CDK17: variants seen among roughly 807,000 people sequenced by gnomAD.
CDK17 encodes cyclin-dependent kinase 17.
In CDK17, 24 loss-of-function variants were observed where a neutral mutation model predicts 77.6. The observed-to-expected ratio is 0.31, with a 90% CI of 0.22 to 0.44. The LOEUF (loss-of-function observed/expected upper bound fraction) is 0.44, where lower values mean the gene tolerates loss of function less well. Ranked by LOEUF, CDK17 falls within the 20% of genes least tolerant of loss-of-function variation. The pLI is 1.00. For synonymous variants in CDK17, 203 were observed against 210.4 expected (o/e 0.96, Z 0.30); for missense variants, 429 against 622.5 (o/e 0.69, Z 3.31).
At chr12:96,342,037 G>A (rs1368097708) in intron 1 of CDK17, among the ~76,000 whole-genome samples, 4 of 152,262 alleles carry the variant, frequency 2.6e-5, no homozygotes, top group East Asian at 3.9e-4. Flanking sequence ...AAACATACAC[G>A]TAGAACAAAT....
chr12:96,283,678 G>A, intron 13 of CDK17, 33 bp from the exon 14 acceptor site: 1 of 1,406,128 alleles, frequency 7.1e-7, no homozygotes, highest in Non-Finnish European at 9.9e-7. Flanking sequence ...AAAAATTTAT[G>A]CTCTCTTAGC....
chr12:96,283,547 A>G, intron 14 of CDK17, 56 bp downstream of exon 14: 1 of 1,034,146 alleles, frequency 9.7e-7, no homozygotes. Context: ...CATTCTACAC[A>G]TGAAGAAGCT....
At chr12:96,391,438 A>T (rs11611237) in intron 1 of CDK17, among the ~76,000 whole-genome samples, 2 of 151,454 alleles carry the variant, frequency 1.3e-5, no homozygotes, top group Non-Finnish European at 2.9e-5. Context: ...TACAGGCCTG[A>T]GCCACCACGC....
In CDK17 at chr12:96,341,161, C is replaced by T. The variant is rs1000890549; in HGVS notation, c.-29-6296G>A. 2.0e-5 allele frequency among the ~76,000 whole-genome samples: 3 copies of T among 152,052 alleles called. No homozygotes were observed. The South Asian group carries it at 6.2e-4, about 32-fold the overall frequency. The stretch of plus-strand genomic sequence containing the variant: ...TGAATCTGGAGGCCATCATCCTACG[C>T]TATTGTTTCTATGAATATTAAGATA... On this transcript the variant is annotated intron_variant, in intron 1 of 16. Coordinates refer to ENST00000261211, the MANE Select transcript of CDK17 (RefSeq NM_002595.5).
chr12:96,395,790 A>T (rs1194413051), intron 1 of CDK17, among the ~76,000 whole-genome samples: 1 of 152,122 alleles, frequency 6.6e-6, no homozygotes, highest in East Asian at 1.9e-4. Context: ...AGAAAAAGAC[A>T]TCCTCACCTC....
intron 3 of CDK17, 30 bp downstream of exon 3, chr12:96,323,918 G>A: frequency 6.6e-7 from 1 of 1,506,788 alleles, no homozygotes; most frequent in Non-Finnish European, 8.9e-7. Context: ...AATCAGAAAG[G>A]TAAACACAAC....
intron 1 of CDK17, among the ~76,000 whole-genome samples, chr12:96,373,656 T>C (rs1953730106): frequency 6.7e-6 from 1 of 148,474 alleles, no homozygotes; most frequent in African/African-American, 2.5e-5. Flanking sequence ...GCACAGTGAC[T>C]CACGCCTGTA....
intron 1 of CDK17, among the ~76,000 whole-genome samples, chr12:96,372,979 C>CT (rs761224300): frequency 6.6e-6 from 1 of 152,150 alleles, no homozygotes; most frequent in African/African-American, 2.4e-5. Context: ...CAAAGGATGG[C>CT]TTTATGAGCC....
At position 96,297,255 on chromosome 12, in the gene CDK17, C is replaced by T. The variant is rs775016188; in HGVS notation, c.873+15G>A. The T allele has an allele frequency of 5.8e-5, 92 of 1,572,908 alleles. No individual in the cohort carries two copies. Among genetic ancestry groups the T allele is most frequent in the South Asian group, 3.8e-4 (34 of 89,018 alleles). On this transcript the variant is annotated intron_variant, in intron 9 of 16. Transcript: ENST00000261211. ...TTAAACAAAATTTAAAAATTACACA[C>T]GCAAGAAAACATACCTTTACGTTGT...
chr12:96,379,232 T>C (rs1358929448), intron 1 of CDK17, among the ~76,000 whole-genome samples: 1 of 152,180 alleles, frequency 6.6e-6, no homozygotes, highest in African/African-American at 2.4e-5. Context: ...TAACATATTA[T>C]CAGAACCTGT....
At chr12:96,346,676 G>A (rs1194421906) in intron 1 of CDK17, among the ~76,000 whole-genome samples, 1 of 151,858 alleles carries the variant, frequency 6.6e-6, no homozygotes, top group Non-Finnish European at 1.5e-5. Flanking sequence ...TAGCACTTTT[G>A]GAGGGCAACA....
chr12:96,398,025 C>T (rs1056293812), intron 1 of CDK17, among the ~76,000 whole-genome samples: 1 of 152,064 alleles, frequency 6.6e-6, no homozygotes, highest in African/African-American at 2.4e-5. Flanking sequence ...ACAGGCTTTG[C>T]TTTTATTTTC....
chr12:96,308,701 T>C (rs1415632808), intron 5 of CDK17, among the ~76,000 whole-genome samples: 6 of 147,050 alleles, frequency 4.1e-5, no homozygotes, highest in South Asian at 4.4e-4. Flanking sequence ...ACACTCCAGC[T>C]TGGGTGACAG....
chr12:96,355,985 G>GT (rs1193094722), intron 1 of CDK17, among the ~76,000 whole-genome samples: 1 of 152,060 alleles, frequency 6.6e-6, no homozygotes, highest in Non-Finnish European at 1.5e-5. Context: ...CTGTGCTTAG[G>GT]TTTTCTCCTA....
chr12:96,324,368 A>G (rs1952865004), intron 2 of CDK17, among the ~76,000 whole-genome samples: 2 of 152,220 alleles, frequency 1.3e-5, no homozygotes, highest in Admixed American at 1.3e-4. Flanking sequence ...GAACCACAAA[A>G]CTACTAATAT....
In CDK17 at chr12:96,334,783, A is replaced by C. The variant is rs1473857566; in HGVS notation, c.54T>G (p.Ile18Met). 4 of 1,612,246 alleles carry C rather than the reference A, an allele frequency of 2.5e-6. No individual in the cohort carries two copies. The highest frequency in any genetic ancestry group is 3.4e-6 in the Non-Finnish European group (4 of 1,178,590). ...CAGCCAATTCAGACAATGATTCATCAATAGTCTGACTTCCTCGGAGTGTGA... is the reference window on the plus strand; with the variant it reads ...CAGCCAATTCAGACAATGATTCATCCATAGTCTGACTTCCTCGGAGTGTGA... The part of the protein sequence containing the change: ...LSLTLRGSQT[I>M]DESLSELAEQ... Residue 18 changes from isoleucine to methionine, a missense_variant, in exon 2 of 17, where the codon ATT (isoleucine) becomes ATG (methionine). Physicochemically the swap from Ile to Met is conservative, Grantham distance 10. Around this residue, in one of 4 missense-constraint regions of CDK17, gnomAD observed 262 missense variants for 385.4 expected, o/e 0.68. Coordinates refer to ENST00000261211, the MANE Select transcript of CDK17 (RefSeq NM_002595.5).
At chr12:96,325,360 C>T (rs932676894) in intron 2 of CDK17, among the ~76,000 whole-genome samples, 1 of 152,238 alleles carries the variant, frequency 6.6e-6, no homozygotes, top group Non-Finnish European at 1.5e-5. Flanking sequence ...AGGATACCTC[C>T]TGATCAGGGG....
At chr12:96,355,593 A>C (rs1953381953) in intron 1 of CDK17, among the ~76,000 whole-genome samples, 1 of 151,804 alleles carries the variant, frequency 6.6e-6, no homozygotes. Flanking sequence ...TTTTTAGTAG[A>C]GACAGGGTTT....
At chr12:96,394,565 A>C (rs1664462217) in intron 1 of CDK17, among the ~76,000 whole-genome samples, 1 of 152,126 alleles carries the variant, frequency 6.6e-6, no homozygotes, top group Non-Finnish European at 1.5e-5. Flanking sequence ...GTGTAATCCC[A>C]GCACTTTGGG....
Sources: gnomAD v4.1 joint callset for allele counts (sites outside exome capture counted in the v4.1 genomes callset) on GRCh38, gnomAD v4.1.1 for gene constraint, gnomAD v4.1.1 regional missense constraint, MANE v1.5 for transcripts, NCBI Gene and HGNC (gene_info 2026-07-23, HGNC 2026-07-21) for gene names.